Variants in ANKRD36C observed in about 807,000 individuals in gnomAD.
The protein encoded by ANKRD36C is ankyrin repeat domain-containing protein 36C.
ANKRD36C carries 61 observed loss-of-function variants against 276.4 expected under a neutral mutation model. That is an observed-to-expected ratio of 0.22 (90% CI 0.18 to 0.27). ANKRD36C has a LOEUF of 0.27. Ranked by LOEUF, ANKRD36C falls within the 10% of genes least tolerant of loss-of-function variation. The pLI is 1.00. For missense variants in ANKRD36C, 1,447 were observed against 2,032.3 expected, an observed-to-expected ratio of 0.71 and a Z score of 5.54; for synonymous variants, 483 against 680.1, an observed-to-expected ratio of 0.71 and a Z score of 4.51.
At chr2:95,912,249 C>T (rs747382274) in exon 42 of ANKRD36C, 5 of 1,548,534 alleles carry the variant, frequency 3.2e-6, no homozygotes, top group Non-Finnish European at 2.6e-6. Flanking sequence ...ATTACCTGTC[C>T]TAGATGTTTC....
At position 95,986,779 on chromosome 2, in the gene ANKRD36C, T is replaced by C. The variant is rs775558192; in HGVS notation, c.458A>G (p.Tyr153Cys). Residue 153 changes from tyrosine to cysteine, a missense_variant, in exon 3 of 67, where the codon TAT (tyrosine) becomes TGT (cysteine). Physicochemically the swap from Tyr to Cys is radical, Grantham distance 194. This residue lies in a region of ANKRD36C where 158 missense variants were observed against 218.0 expected (regional missense o/e 0.72). Coordinates refer to ENST00000456556, the Ensembl canonical transcript of ANKRD36C. ...GCTGCATTCTTCAATATTTGCACCA[T>C]ATGAAAGAAGTTTTTCTATCATGGA... 2.0e-5 allele frequency: 33 copies of C among 1,611,878 alleles called. No individual in the cohort carries two copies. In the African/African-American group the frequency reaches 3.6e-4, roughly 18 times the overall value.
At chr2:95,952,670 TA>T (rs764255534) in intron 14 of ANKRD36C, among the ~76,000 whole-genome samples, 18 of 151,358 alleles carry the variant, frequency 1.2e-4, no homozygotes, top group African/African-American at 4.4e-4. Context: ...TTTCTCAACA[TA>T]ACTCACCTCA....
rs1677094642 is a variant in ANKRD36C at position 95,916,295 on chromosome 2, C to G, written c.2348-124G>C. ...GTATTAGTGGAGGCTTTGATGGCTT[C>G]TACTTTGTGTCTGGGGACTAGAACA... On this transcript the variant is annotated intron_variant, in intron 36 of 66. Transcript: ENST00000456556. 17 of 1,502,884 alleles carry G rather than the reference C, an allele frequency of 1.1e-5. No individual in the cohort carries two copies. The East Asian group carries it at 4.1e-4, about 36-fold the overall frequency. 93.1% of individuals were successfully genotyped at this position (1,502,884 alleles called of 1,614,324 possible). A position where few individuals can be genotyped will look rare whatever the true frequency, so the allele number is the denominator to read the frequency against.
intron 22 of ANKRD36C, among the ~76,000 whole-genome samples, chr2:95,938,422 C>A (rs1677777605): frequency 6.6e-6 from 1 of 151,286 alleles, no homozygotes; most frequent in Non-Finnish European, 1.5e-5. Context: ...CTCAATGTAA[C>A]AACACTGACA....
At chr2:95,855,728 C>G (rs529683750) in exon 63 of ANKRD36C, 1 of 1,613,354 alleles carries the variant, frequency 6.2e-7, no homozygotes, top group Admixed American at 1.7e-5. Flanking sequence ...GAGAAAGAAT[C>G]AGAACATGAG....
At chr2:95,866,386 C>T (rs1675683608) in intron 60 of ANKRD36C, among the ~76,000 whole-genome samples, 1 of 152,074 alleles carries the variant, frequency 6.6e-6, no homozygotes, top group African/African-American at 2.4e-5. Context: ...AAAAAAGTAG[C>T]TAAAAGTAAT....
chr2:95,853,703 A>G lies in ANKRD36C; in HGVS notation c.5148+6T>C, dbSNP rs1368191992. 6.4e-7 allele frequency: 1 copy of G among 1,572,564 alleles called. No homozygotes were observed. Among genetic ancestry groups the G allele is most frequent in the African/African-American group, 1.3e-5 (1 of 74,236 alleles). ...CAGTTGTTGGTGTGCAAAGTTGCAT[A>G]CATACTTGACTTCTCATCTGGTCTA... On this transcript the variant is annotated splice_donor_region_variant and intron_variant, in intron 64 of 66. Coordinates refer to ENST00000456556, the Ensembl canonical transcript of ANKRD36C.
intron 6 of ANKRD36C, among the ~76,000 whole-genome samples, chr2:95,967,940 A>T (rs1471559398): frequency 6.6e-6 from 1 of 152,106 alleles, no homozygotes; most frequent in African/African-American, 2.4e-5. Flanking sequence ...ATACAAAAAA[A>T]AATTAGCTGA....
chr2:95,868,646 G>GA, intron 59 of ANKRD36C, among the ~76,000 whole-genome samples: 1 of 150,212 alleles, frequency 6.7e-6, no homozygotes, highest in East Asian at 2.0e-4. Flanking sequence ...GTATGAATGA[G>GA]AAAGAAAGGC....
chr2:95,875,032 A>T (rs1467187314), intron 59 of ANKRD36C, among the ~76,000 whole-genome samples: 8 of 152,218 alleles, frequency 5.3e-5, no homozygotes, highest in Non-Finnish European at 1.2e-4. Context: ...TGCAAACAAC[A>T]GGTGCTGGAG....
intron 52 of ANKRD36C, among the ~76,000 whole-genome samples, chr2:95,885,480 T>C (rs894042436): frequency 1.3e-5 from 2 of 151,358 alleles, no homozygotes; most frequent in Admixed American, 1.3e-4. Context: ...TATTCTTTTA[T>C]GCAAATATTC....
intron 3 of ANKRD36C, among the ~76,000 whole-genome samples, chr2:95,985,245 T>C (rs2443934): frequency 1.3e-5 from 2 of 152,342 alleles, no homozygotes; most frequent in Non-Finnish European, 2.9e-5. Flanking sequence ...ATAGTCCTTT[T>C]CACTTCCCAA....
intron 40 of ANKRD36C, among the ~76,000 whole-genome samples, chr2:95,913,798 C>T (rs540274427): frequency 5.5e-4 from 84 of 151,538 alleles, no homozygotes; most frequent in African/African-American, 1.9e-3. Flanking sequence ...TTTCTCCTTC[C>T]ACCCTTACTG....
intron 22 of ANKRD36C, among the ~76,000 whole-genome samples, chr2:95,935,974 T>C (rs1677704583): frequency 1.3e-5 from 2 of 152,422 alleles, no homozygotes; most frequent in South Asian, 4.1e-4. Flanking sequence ...AAATCTATCA[T>C]TCACTTCTGC....
chr2:95,908,473 C>T, intron 42 of ANKRD36C, 29 bp downstream of exon 48: 1 of 1,491,370 alleles, frequency 6.7e-7, no homozygotes, highest in Non-Finnish European at 9.1e-7. Context: ...CTGGACTGAA[C>T]ATGACATTAA....
At chr2:95,910,259 G>A (rs547304910) in intron 42 of ANKRD36C, 114 bp downstream of exon 46, 93 of 1,214,930 alleles carry the variant, frequency 7.7e-5, no homozygotes, top group African/African-American at 3.4e-4. Flanking sequence ...AAGAATCTCC[G>A]GCCTGCTGAA....
At chr2:95,974,413 C>A (rs2918849) in intron 6 of ANKRD36C, among the ~76,000 whole-genome samples, 1 of 151,966 alleles carries the variant, frequency 6.6e-6, no homozygotes, top group Admixed American at 6.6e-5. Context: ...AAAGAAAATC[C>A]TATATAGTTG....
At chr2:95,850,618 C>T (rs1573713344), downstream of ANKRD36C, among the ~76,000 whole-genome samples, 1 of 152,228 alleles carries the variant, frequency 6.6e-6, no homozygotes, top group African/African-American at 2.4e-5. Flanking sequence ...GGCTGAATAA[C>T]TTGACAAGAA....
intron 19 of ANKRD36C, among the ~76,000 whole-genome samples, chr2:95,941,862 G>A (rs1238386102): frequency 6.6e-6 from 1 of 151,982 alleles, no homozygotes; most frequent in African/African-American, 2.4e-5. Context: ...GTATAGGGCA[G>A]ACAGTGTATT....
Sources: allele counts gnomAD v4.1 joint callset (sites outside exome capture counted in the v4.1 genomes callset), GRCh38; gene constraint gnomAD v4.1.1; regional missense constraint gnomAD v4.1.1; transcripts MANE v1.5; gene names NCBI Gene and HGNC (gene_info 2026-07-23, HGNC 2026-07-21).